Variants in JAK2 observed in about 807,000 individuals in gnomAD.
JAK2 encodes tyrosine-protein kinase JAK2.
In JAK2, 86 loss-of-function variants were observed where a neutral mutation model predicts 139.3. The observed-to-expected ratio is 0.62, with a 90% CI of 0.52 to 0.74. The LOEUF is 0.74. Among genes scored for constraint, JAK2 ranks in the 30% least tolerant of loss-of-function variants. The pLI is 0.00. For synonymous variants in JAK2, 490 were observed against 437.7 expected, an observed-to-expected ratio of 1.12 and a Z score of -1.49; for missense variants, 1,421 against 1,360.3, an observed-to-expected ratio of 1.04 and a Z score of -0.70.
intron 5 of JAK2, among the ~76,000 whole-genome samples, chr9:5,050,307 C>T (rs10974935): frequency 0.33 from 50,913 of 151,996 alleles, 9,095 homozygotes; most frequent in African/African-American, 0.46. Flanking sequence ...ATTTATTAAT[C>T]ATTTTAGAGA....
At position 5,126,890 on chromosome 9, in the gene JAK2, A is replaced by G. The variant is rs540062482; in HGVS notation, c.*99A>G. On this transcript the variant is annotated 3_prime_UTR_variant, in exon 25 of 25. Coordinates refer to ENST00000381652, the MANE Select transcript of JAK2 (RefSeq NM_004972.4). ...ATTATTACATATATCATTATTATAT[A>G]AATCATGATGCTAGCCAGCAAAGAT... 3 of 591,502 alleles carry G rather than the reference A, an allele frequency of 5.1e-6. No homozygotes were observed. The East Asian group carries it at 9.8e-5, about 19-fold the overall frequency. The allele number at this position is 591,502 out of a possible 1,614,324, so 36.6% of individuals were successfully genotyped here.
At chr9:5,070,184 T>G in intron 12 of JAK2, 132 bp downstream of exon 12, 1 of 511,806 alleles carries the variant, frequency 2.0e-6, no homozygotes, top group Non-Finnish European at 3.2e-6. Flanking sequence ...ATATTTTTCT[T>G]ATGAAAAATA....
intron 22 of JAK2, among the ~76,000 whole-genome samples, chr9:5,106,759 T>A (rs1332280222): frequency 3.9e-5 from 6 of 152,116 alleles, no homozygotes. Context: ...GGGACATGGA[T>A]GAAGCTGGAA....
chr9:5,012,410 A>T, intron 2 of JAK2, among the ~76,000 whole-genome samples: 1 of 152,024 alleles, frequency 6.6e-6, no homozygotes, highest in South Asian at 2.1e-4. Flanking sequence ...GTCATCAGGA[A>T]CATTAGTGTA....
Position 5,081,013 on chromosome 9 carries a change from A to G in JAK2, c.2434+330A>G, listed in dbSNP as rs954114593. 2.0e-5 allele frequency among the ~76,000 whole-genome samples: 3 copies of G among 147,514 alleles called. No homozygotes were observed. In the South Asian group the frequency reaches 6.3e-4, roughly 31 times the overall value. On this transcript the variant is annotated intron_variant, in intron 18 of 24. Coordinates refer to ENST00000381652, the MANE Select transcript of JAK2 (RefSeq NM_004972.4). ...AAGGTTCACGCCATTCTCCTGCCTC[A>G]GCCTCCTGAGTAGCTGGGACTACAG...
At chr9:5,042,661 C>T (rs907493430) in intron 4 of JAK2, among the ~76,000 whole-genome samples, 1 of 152,172 alleles carries the variant, frequency 6.6e-6, no homozygotes, top group African/African-American at 2.4e-5. Context: ...ATCCAAAGGC[C>T]GTTTTCTCAG....
intron 2 of JAK2, among the ~76,000 whole-genome samples, chr9:5,014,246 C>G (rs1821901812): frequency 6.6e-6 from 1 of 150,462 alleles, no homozygotes; most frequent in Admixed American, 6.6e-5. Context: ...TAAAGTGATC[C>G]TCTCACCTTG....
chr9:5,057,355 T>C (rs1290754904), intron 8 of JAK2, among the ~76,000 whole-genome samples: 1 of 152,064 alleles, frequency 6.6e-6, no homozygotes, highest in Non-Finnish European at 1.5e-5. Flanking sequence ...CATTTTCCTC[T>C]TCATTCTGGC....
chr9:5,063,874 C>G (rs1441563572), intron 8 of JAK2, among the ~76,000 whole-genome samples: 1 of 152,174 alleles, frequency 6.6e-6, no homozygotes, highest in Non-Finnish European at 1.5e-5. Flanking sequence ...AAGATACAAT[C>G]AGGCCGGGCA....
rs566180190 is a variant in JAK2, at chr9:5,107,058, C to T, written c.3060-15946C>T. On this transcript the variant is annotated intron_variant, in intron 22 of 24. Transcript: ENST00000381652. ...AAATATATATACATCACTTTACATC[C>T]AACCAGCACTTTGGCTTTGAAGCCA... Among the ~76,000 whole-genome samples the T allele has an allele frequency of 2.0e-5, 3 of 152,174 alleles. No homozygotes were observed. In the South Asian group the frequency reaches 6.2e-4, roughly 32 times the overall value.
rs1419482588 is a variant in JAK2, at chr9:5,129,180, G to C, written c.*2389G>C. ...AAATACCTACAGTTCTGTATCTATA[G>C]AGCCAATCTTGATGGTGGGTGTGGC... On this transcript the variant is annotated 3_prime_UTR_variant, in exon 25 of 25. Coordinates refer to ENST00000381652, the MANE Select transcript of JAK2 (RefSeq NM_004972.4). Among the ~76,000 whole-genome samples the C allele has an allele frequency of 4.6e-5, 7 of 152,014 alleles. No individual in the cohort carries two copies. The highest frequency in any genetic ancestry group is 4.6e-4 in the Admixed American group (7 of 15,244).
At chr9:5,039,062 G>A (rs1168045397) in intron 4 of JAK2, among the ~76,000 whole-genome samples, 1 of 152,144 alleles carries the variant, frequency 6.6e-6, no homozygotes, top group African/African-American at 2.4e-5. Context: ...ACTTATTAGT[G>A]AAAGACTGAA....
intron 19 of JAK2, among the ~76,000 whole-genome samples, chr9:5,088,707 T>C (rs769678654): frequency 1.3e-4 from 20 of 152,178 alleles, no homozygotes; most frequent in Admixed American, 2.6e-4. Context: ...CTGGCAGGGA[T>C]TGGTTTCTAG....
In JAK2 at chr9:5,054,477, AG is replaced by A; in HGVS notation, c.615-84del. 1 of 1,120,988 alleles carries A rather than the reference AG, an allele frequency of 8.9e-7. No homozygotes were observed. The highest frequency in any genetic ancestry group is 1.3e-6 in the Non-Finnish European group (1 of 778,510). 69.4% of individuals were successfully genotyped at this position (1,120,988 alleles called of 1,614,324 possible). ...GTAAGGCCTACTTAATCATGGAAAA[AG>A]GTGGTAACTTCTTTTTCAATTTTTA... On this transcript the variant is annotated intron_variant, in intron 6 of 24. Transcript: ENST00000381652. The surrounding 1 kb of genome is among the most constrained non-coding windows in gnomAD (Gnocchi z 4.9).
intron 22 of JAK2, chr9:5,110,833 G>C (rs958940264): frequency 2.2e-6 from 1 of 453,438 alleles, no homozygotes; most frequent in Non-Finnish European, 4.3e-6. Flanking sequence ...CCGTTTGTTC[G>C]GGGAAGGTGG....
intron 3 of JAK2, among the ~76,000 whole-genome samples, chr9:5,028,092 G>A (rs1822896712): frequency 6.6e-6 from 1 of 152,174 alleles, no homozygotes; most frequent in African/African-American, 2.4e-5. Context: ...GCTTAGATCT[G>A]TGAGAGGAAA....
intron 22 of JAK2, chr9:5,095,120 C>G (rs1248998979): frequency 3.3e-5 from 5 of 152,158 alleles, no homozygotes; most frequent in Non-Finnish European, 7.4e-5. Context: ...CCCTGAGACT[C>G]CAAAATTCTC....
chr9:5,081,973 A>G, intron 19 of JAK2, 112 bp downstream of exon 19: 1 of 899,740 alleles, frequency 1.1e-6, no homozygotes, highest in Non-Finnish European at 1.7e-6. Context: ...TTGTAGAAAA[A>G]AAAGGTTTGG....
intron 4 of JAK2, among the ~76,000 whole-genome samples, chr9:5,033,595 TAAAGA>T (rs1823333915): frequency 6.6e-6 from 1 of 152,144 alleles, no homozygotes; most frequent in Non-Finnish European, 1.5e-5. Flanking sequence ...TCAACATTCT[TAAAGA>T]AAAGAATTTT....
Sources: gnomAD v4.1 joint callset for allele counts (sites outside exome capture counted in the v4.1 genomes callset) on GRCh38, gnomAD v4.1.1 for gene constraint, Gnocchi (gnomAD v3.1) non-coding constraint, MANE v1.5 for transcripts, NCBI Gene and HGNC (gene_info 2026-07-23, HGNC 2026-07-21) for gene names.